CABLES1: variants seen among roughly 807,000 people sequenced by gnomAD.
CABLES1 encodes Cdk5 and Abl enzyme substrate 1.
A neutral mutation model predicts 57.8 loss-of-function variants in CABLES1; 36 were observed. The ratio of observed to expected loss-of-function variants is 0.62; its 90% confidence interval spans 0.48 to 0.82. The LOEUF (loss-of-function observed/expected upper bound fraction) is 0.82. Ranked by LOEUF, CABLES1 falls within the 40% of genes least tolerant of loss-of-function variation. CABLES1 has a pLI of 0.00. For missense variants in CABLES1, 767 were observed against 836.6 expected (o/e 0.92, Z 1.03); for synonymous variants, 374 against 363.0 (o/e 1.03, Z -0.35).
intron 4 of CABLES1, among the ~76,000 whole-genome samples, chr18:23,224,300 T>C (rs2047511049): frequency 1.3e-5 from 2 of 151,978 alleles, no homozygotes; most frequent in African/African-American, 2.4e-5. Flanking sequence ...ACCACAGCCC[T>C]TACCCATCCT....
chr18:23,194,533 A>G lies in CABLES1; in HGVS notation c.1003A>G (p.Asn335Asp). Residue 335 changes from asparagine (N) to aspartate (D), a missense_variant, in exon 3 of 10, where the codon AAT (asparagine) becomes GAT (aspartate). Around this residue, in one of 4 missense-constraint regions of CABLES1, gnomAD observed 529 missense variants for 622.8 expected, o/e 0.85. Transcript: ENST00000256925. ...IKNMRQHDTR[N>D]GRIVLISGRR... ...GAACATGCGGCAACACGATACCAGG[A>G]ATGGCAGGTACTACATTCACACAGA... 3.7e-6 allele frequency: 6 copies of G among 1,606,920 alleles called. No individual in the cohort carries two copies. In the East Asian group the frequency reaches 1.3e-4, roughly 36 times the overall value.
At chr18:23,145,259 G>T (rs553055604) in intron 1 of CABLES1, among the ~76,000 whole-genome samples, 2 of 151,866 alleles carry the variant, frequency 1.3e-5, no homozygotes, top group Non-Finnish European at 2.9e-5. Context: ...TTTTAGTAGA[G>T]ATGAGGTTTC....
intron 4 of CABLES1, among the ~76,000 whole-genome samples, chr18:23,223,579 G>GAAAAA (rs1164603815): frequency 1.4e-5 from 1 of 71,874 alleles, no homozygotes; most frequent in Non-Finnish European, 3.0e-5. Flanking sequence ...CTCCGTCTCA[G>GAAAAA]AAAAAAAAAA....
chr18:23,254,903 G>C lies in CABLES1; in HGVS notation c.1761+967G>C, dbSNP rs79439687. On this transcript the variant is annotated intron_variant, in intron 9 of 9. Coordinates refer to ENST00000256925, the MANE Select transcript of CABLES1 (RefSeq NM_001100619.3). ...GACACAAACATTCAGCCCATAACAAGGGGCATGCCATGCTGTGGGGGCTGT... is the reference window on the plus strand; with the variant it reads ...GACACAAACATTCAGCCCATAACAACGGGCATGCCATGCTGTGGGGGCTGT... Among the ~76,000 whole-genome samples the C allele has an allele frequency of 9.8e-3, 1,494 of 152,304 alleles. 31 individuals carry two copies. Among genetic ancestry groups the C allele is most frequent in the African/African-American group, 0.034 (1,419 of 41,564 alleles).
At chr18:23,243,440 G>C (rs930011672) in intron 7 of CABLES1, among the ~76,000 whole-genome samples, 7 of 151,668 alleles carry the variant, frequency 4.6e-5, no homozygotes, top group Middle Eastern at 6.8e-3. Context: ...TGTGGGGGAG[G>C]GAGGGTTGTT....
chr18:23,143,644 A>G (rs56039659), intron 1 of CABLES1, among the ~76,000 whole-genome samples: 4,107 of 152,322 alleles, frequency 0.027, 203 homozygotes, highest in African/African-American at 0.094. Context: ...CACATGGCCT[A>G]TTCCCTGGCT....
chr18:23,226,306 G>T (rs1276806121), intron 4 of CABLES1, among the ~76,000 whole-genome samples: 1 of 152,130 alleles, frequency 6.6e-6, no homozygotes, highest in East Asian at 1.9e-4. Context: ...GGAGGCTGAG[G>T]CAGGAGAATT....
Position 23,144,931 on chromosome 18 carries a change from T to C in CABLES1, c.845+8324T>C, listed in dbSNP as rs10164173. Among the ~76,000 whole-genome samples the C allele has an allele frequency of 9.0e-3, 1,351 of 149,774 alleles. 22 individuals carry two copies. Among genetic ancestry groups the C allele is most frequent in the African/African-American group, 0.032 (1,279 of 39,468 alleles). ...GGCTTTACCACACATCCTTTTTTTT[T>C]TTCTTTCTTTTTTTTTTTCTTTGAG... On this transcript the variant is annotated intron_variant, in intron 1 of 9. Coordinates refer to ENST00000256925, the MANE Select transcript of CABLES1 (RefSeq NM_001100619.3).
chr18:23,158,969 T>G (rs899081337), intron 1 of CABLES1, among the ~76,000 whole-genome samples: 4 of 152,092 alleles, frequency 2.6e-5, no homozygotes, highest in African/African-American at 9.7e-5. Flanking sequence ...GGGTTGGTGT[T>G]TGTTTGCTTG....
chr18:23,138,124 C>A (rs1354255714), intron 1 of CABLES1, among the ~76,000 whole-genome samples: 1 of 152,280 alleles, frequency 6.6e-6, no homozygotes, highest in South Asian at 2.1e-4. Context: ...AATAAACATA[C>A]GTGTTATTCT....
At chr18:23,238,070 G>T (rs1269676025) in intron 7 of CABLES1, among the ~76,000 whole-genome samples, 1 of 152,240 alleles carries the variant, frequency 6.6e-6, no homozygotes, top group Non-Finnish European at 1.5e-5. Flanking sequence ...GGGCCTGGCG[G>T]GGCCGGCACA....
intron 7 of CABLES1, among the ~76,000 whole-genome samples, chr18:23,238,263 T>C (rs1262501786): frequency 6.6e-6 from 1 of 152,264 alleles, no homozygotes; most frequent in Non-Finnish European, 1.5e-5. Context: ...CATTCAGAAC[T>C]GAGGGTTCTC....
intron 1 of CABLES1, among the ~76,000 whole-genome samples, chr18:23,166,988 A>G (rs939215851): frequency 1.2e-4 from 19 of 152,146 alleles, no homozygotes; most frequent in African/African-American, 4.6e-4. Flanking sequence ...TTTTATAGCA[A>G]AACAAGCAAG....
chr18:23,166,296 G>T (rs1213602923), intron 1 of CABLES1, among the ~76,000 whole-genome samples: 1 of 151,822 alleles, frequency 6.6e-6, no homozygotes, highest in African/African-American at 2.4e-5. Context: ...CCGCCTCTTG[G>T]GTTCAAGTGA....
At chr18:23,199,152 C>T (rs2047305628) in intron 3 of CABLES1, among the ~76,000 whole-genome samples, 1 of 152,092 alleles carries the variant, frequency 6.6e-6, no homozygotes, top group Non-Finnish European at 1.5e-5. Context: ...AGCAAACTTA[C>T]AAGAATGGGG....
intron 3 of CABLES1, among the ~76,000 whole-genome samples, chr18:23,208,911 C>T (rs1379938203): frequency 6.6e-5 from 10 of 152,208 alleles, no homozygotes; most frequent in Non-Finnish European, 1.5e-4. Flanking sequence ...TGTTAATGGC[C>T]TTCTTCCCTT....
At chr18:23,138,373 A>T (rs1209782484) in intron 1 of CABLES1, among the ~76,000 whole-genome samples, 1 of 152,202 alleles carries the variant, frequency 6.6e-6, no homozygotes, top group Non-Finnish European at 1.5e-5. Flanking sequence ...CACACACATT[A>T]AGATGAATTA....
intron 3 of CABLES1, among the ~76,000 whole-genome samples, chr18:23,203,828 A>T (rs576997482): frequency 2.5e-4 from 38 of 152,100 alleles, no homozygotes; most frequent in Non-Finnish European, 5.6e-4. Flanking sequence ...TCTGTGGGGC[A>T]CCTTGCAACA....
intron 1 of CABLES1, among the ~76,000 whole-genome samples, chr18:23,173,250 G>A (rs2047096248): frequency 6.6e-6 from 1 of 152,220 alleles, no homozygotes; most frequent in Non-Finnish European, 1.5e-5. Flanking sequence ...GTTTGCCCAG[G>A]TCTCTGCCTT....
Sources: allele counts gnomAD v4.1 joint callset (sites outside exome capture counted in the v4.1 genomes callset), GRCh38; gene constraint gnomAD v4.1.1; regional missense constraint gnomAD v4.1.1; transcripts MANE v1.5; gene names NCBI Gene and HGNC (gene_info 2026-07-23, HGNC 2026-07-21).